Variants in ABCB5 observed in about 807,000 individuals in gnomAD.
ABCB5 encodes the protein ATP-binding cassette sub-family B member 5.
ABCB5 carries 155 observed loss-of-function variants against 144.2 expected under a neutral mutation model. The observed-to-expected ratio is 1.08, with a 90% CI of 0.94 to 1.23. ABCB5 has a LOEUF of 1.23. ABCB5 is among the 50% of genes most tolerant of loss of function. The pLI is 0.00. For missense variants in ABCB5, 1,830 were observed against 1,520.8 expected (o/e 1.20, Z -3.38); for synonymous variants, 610 against 528.6 (o/e 1.15, Z -2.11).
intron 1 of ABCB5, among the ~76,000 whole-genome samples, chr7:20,616,355 C>G (rs1014082666): frequency 6.6e-6 from 1 of 152,132 alleles, no homozygotes; most frequent in African/African-American, 2.4e-5. Flanking sequence ...TTCATCTAAC[C>G]AAAGATCCCA....
At chr7:20,752,527 G>A (rs1782962253) in intron 26 of ABCB5, among the ~76,000 whole-genome samples, 1 of 152,192 alleles carries the variant, frequency 6.6e-6, no homozygotes, top group African/African-American at 2.4e-5. Flanking sequence ...ACTACTTAGT[G>A]GCCTGAAAAG....
intron 4 of ABCB5, among the ~76,000 whole-genome samples, chr7:20,630,690 CAAAT>C (rs1243518676): frequency 1.3e-5 from 2 of 152,266 alleles, no homozygotes; most frequent in African/African-American, 4.8e-5. Context: ...TCTCCATGAA[CAAAT>C]GAATGAATGA....
At chr7:20,700,548 G>T (rs1381250800) in intron 19 of ABCB5, among the ~76,000 whole-genome samples, 1 of 152,190 alleles carries the variant, frequency 6.6e-6, no homozygotes, top group Non-Finnish European at 1.5e-5. Context: ...TAAGTTTTTT[G>T]ACTCTACACT....
At chr7:20,673,283 G>C (rs929233562) in intron 14 of ABCB5, among the ~76,000 whole-genome samples, 1 of 151,982 alleles carries the variant, frequency 6.6e-6, no homozygotes, top group African/African-American at 2.4e-5. Flanking sequence ...CAATTGTGTT[G>C]AGTTGGTTGA....
At chr7:20,677,653 C>T (rs768643894) in intron 14 of ABCB5, among the ~76,000 whole-genome samples, 22 of 152,142 alleles carry the variant, frequency 1.4e-4, no homozygotes, top group East Asian at 3.9e-4. Flanking sequence ...CGCTTGAACC[C>T]GGGAGGTGGA....
At chr7:20,665,756 TAGATAGATAG>T (rs1562549511) in intron 14 of ABCB5, among the ~76,000 whole-genome samples, 3 of 138,778 alleles carry the variant, frequency 2.2e-5, no homozygotes, top group Non-Finnish European at 4.7e-5. Flanking sequence ...GATAGATAGA[TAGATAGATAG>T]AGATACATAC....
chr7:20,710,381 A>AAAAGGG (rs1242291728), intron 20 of ABCB5, among the ~76,000 whole-genome samples: 1 of 56,730 alleles, frequency 1.8e-5, no homozygotes, highest in African/African-American at 7.7e-5. Flanking sequence ...AAAAAAAAAA[A>AAAAGGG]GTGGGGGGGG....
intron 12 of ABCB5, among the ~76,000 whole-genome samples, chr7:20,650,579 T>C (rs1278067914): frequency 1.3e-5 from 2 of 151,928 alleles, no homozygotes; most frequent in African/African-American, 4.8e-5. Context: ...CTTTTTTTTT[T>C]TTCTTGGAGC....
At chr7:20,724,233 T>C (rs1781960873) in intron 21 of ABCB5, among the ~76,000 whole-genome samples, 2 of 152,050 alleles carry the variant, frequency 1.3e-5, no homozygotes, top group African/African-American at 2.4e-5. Context: ...TGGACTTCTA[T>C]CTTACTCTTC....
rs1203443199 is a variant in ABCB5, at chr7:20,627,931, A to T, written c.109-757A>T. Among the ~76,000 whole-genome samples the T allele has an allele frequency of 3.9e-5, 6 of 152,170 alleles. 1 individual carries two copies. The highest frequency in any genetic ancestry group is 5.9e-5 in the Non-Finnish European group (4 of 68,038). ...TATTCCAAAATCAACCAAATGGAAT[A>T]AAGTTTCTGATTCATACCCACATCT... is the stretch of plus-strand genomic sequence containing the variant. On this transcript the variant is annotated intron_variant, in intron 3 of 27. Coordinates refer to ENST00000404938, the MANE Select transcript of ABCB5 (RefSeq NM_001163941.2).
intron 20 of ABCB5, among the ~76,000 whole-genome samples, chr7:20,718,816 T>A (rs973773684): frequency 6.6e-6 from 1 of 152,180 alleles, no homozygotes; most frequent in Admixed American, 6.5e-5. Context: ...TATCCCAGAT[T>A]CAGCCAGTGG....
At position 20,646,139 on chromosome 7, in the gene ABCB5, G is replaced by C; in HGVS notation, c.981+1G>C. The stretch of plus-strand genomic sequence containing the variant: ...ATATACCATCGGGACTGTTCTTGCT[G>C]TAAGTCTTGTTTGAGAACAAGGTGT... On this transcript the variant is annotated splice_donor_variant, in intron 9 of 27. Coordinates refer to ENST00000404938, the MANE Select transcript of ABCB5 (RefSeq NM_001163941.2). LOFTEE classifies it high-confidence loss of function. 6.2e-7 allele frequency: 1 copy of C among 1,608,906 alleles called. No individual in the cohort carries two copies. Among genetic ancestry groups the C allele is most frequent in the East Asian group, 2.2e-5 (1 of 44,848 alleles).
intron 20 of ABCB5, among the ~76,000 whole-genome samples, chr7:20,720,925 C>A (rs1781844408): frequency 1.9e-5 from 2 of 106,002 alleles, no homozygotes; most frequent in East Asian, 3.1e-4. Context: ...GCCTGGGCGA[C>A]AGAGCGAAAC....
At chr7:20,736,646 T>C (rs912714297) in intron 23 of ABCB5, among the ~76,000 whole-genome samples, 4 of 152,192 alleles carry the variant, frequency 2.6e-5, no homozygotes, top group African/African-American at 9.7e-5. Context: ...CCCAGTTAGG[T>C]GTTCAGTTCA....
intron 14 of ABCB5, chr7:20,660,447 A>G (rs920526071): frequency 1.0e-6 from 1 of 965,884 alleles, no homozygotes; most frequent in African/African-American, 1.8e-5. Context: ...AGGGTAACCA[A>G]TAGGATGAAA....
intron 20 of ABCB5, among the ~76,000 whole-genome samples, chr7:20,722,504 A>C (rs533592795): frequency 9.2e-5 from 14 of 152,302 alleles, no homozygotes; most frequent in Admixed American, 5.2e-4. Context: ...ACTAAACTAA[A>C]ATCCAGTTCA....
chr7:20,676,972 C>T (rs1225464948), intron 14 of ABCB5, among the ~76,000 whole-genome samples: 1 of 152,080 alleles, frequency 6.6e-6, no homozygotes, highest in Admixed American at 6.5e-5. Context: ...TTATAAAAGT[C>T]ATACACTATA....
At chr7:20,660,705 T>G (rs1784975796) in intron 14 of ABCB5, among the ~76,000 whole-genome samples, 2 of 152,150 alleles carry the variant, frequency 1.3e-5, no homozygotes, top group African/African-American at 4.8e-5. Context: ...CTCTGTTATA[T>G]CATACAGCCT....
chr7:20,702,428 T>G (rs1786659089), intron 19 of ABCB5, among the ~76,000 whole-genome samples: 1 of 152,088 alleles, frequency 6.6e-6, no homozygotes, highest in African/African-American at 2.4e-5. Context: ...TCCTGGAGCA[T>G]GAGAAACAGG....
Sources: allele counts gnomAD v4.1 joint callset (sites outside exome capture counted in the v4.1 genomes callset), GRCh38; gene constraint gnomAD v4.1.1; transcripts MANE v1.5; gene names NCBI Gene and HGNC (gene_info 2026-07-23, HGNC 2026-07-21).